TMEM242: variants seen among roughly 807,000 people sequenced by gnomAD.
The protein encoded by TMEM242 is UPF0463 transmembrane protein C6orf35.
TMEM242 carries 10 observed loss-of-function variants against 18.2 expected under a neutral mutation model. That is an observed-to-expected ratio of 0.55 (90% CI 0.34 to 0.93). TMEM242 has a LOEUF of 0.93. Among genes scored for constraint, TMEM242 ranks in the 40% least tolerant of loss-of-function variants. TMEM242 has a pLI of 0.02. For synonymous variants in TMEM242, 57 were observed against 69.9 expected, an observed-to-expected ratio of 0.81 and a Z score of 0.92; for missense variants, 186 against 175.5, an observed-to-expected ratio of 1.06 and a Z score of -0.34.
intron 3 of TMEM242, among the ~76,000 whole-genome samples, chr6:157,312,941 T>A (rs200494914): frequency 1.3e-5 from 2 of 152,198 alleles, no homozygotes; most frequent in East Asian, 1.9e-4. Context: ...TGCCCCAGTG[T>A]GCGCTCACCC....
intron 3 of TMEM242, among the ~76,000 whole-genome samples, chr6:157,297,889 C>T (rs1331537518): frequency 6.6e-6 from 1 of 152,166 alleles, no homozygotes; most frequent in Non-Finnish European, 1.5e-5. Context: ...GCTACTAATC[C>T]TATTATTTAG....
intron 3 of TMEM242, 127 bp downstream of exon 3, chr6:157,318,655 T>A (rs1432676397): frequency 9.6e-7 from 1 of 1,039,296 alleles, no homozygotes; most frequent in Non-Finnish European, 1.4e-6. Flanking sequence ...TTTAGTCACG[T>A]ACTCTGTCAT....
At chr6:157,312,826 T>A (rs1554249442) in intron 3 of TMEM242, among the ~76,000 whole-genome samples, 14 of 149,178 alleles carry the variant, frequency 9.4e-5, no homozygotes, top group Non-Finnish European at 4.5e-5. Context: ...AGCCTCATCA[T>A]AGTGCCACAG....
At chr6:157,311,673 T>A (rs1583566540) in intron 3 of TMEM242, among the ~76,000 whole-genome samples, 1 of 125,804 alleles carries the variant, frequency 7.9e-6, no homozygotes, top group Non-Finnish European at 1.6e-5. Flanking sequence ...CCCGGCCTCA[T>A]CATAGTGTCC....
chr6:157,313,891 G>T (rs201591627), intron 3 of TMEM242, among the ~76,000 whole-genome samples: 1 of 146,960 alleles, frequency 6.8e-6, no homozygotes, highest in African/African-American at 2.5e-5. Flanking sequence ...GTGCCCCAGT[G>T]TGCGCTCACC....
intron 3 of TMEM242, among the ~76,000 whole-genome samples, chr6:157,310,929 G>C (rs1554248506): frequency 6.7e-6 from 1 of 148,636 alleles, no homozygotes; most frequent in Non-Finnish European, 1.5e-5. Flanking sequence ...CACTCACCTA[G>C]CCTCATCATA....
rs1443540293 is a variant in TMEM242, at chr6:157,311,173, C to T, written c.327+7609G>A. 1.3e-4 allele frequency among the ~76,000 whole-genome samples: 7 copies of T among 53,830 alleles called. No homozygotes were observed. The East Asian group carries it at 2.5e-3, about 19-fold the overall frequency. 35.3% of individuals were successfully genotyped at this position (53,830 alleles called of 152,430 possible). A position where few individuals can be genotyped will look rare whatever the true frequency, so the allele number is the denominator to read the frequency against. ...ACTCACCTAGCCCCATCATAGTGTC[C>T]GAATGTGCGCTCACCCAGCCTGATC... On this transcript the variant is annotated intron_variant, in intron 3 of 3. Transcript: ENST00000400788.
intron 3 of TMEM242, among the ~76,000 whole-genome samples, chr6:157,298,587 G>A (rs962779296): frequency 6.6e-6 from 1 of 152,132 alleles, no homozygotes; most frequent in African/African-American, 2.4e-5. Flanking sequence ...AGGAAATGAA[G>A]GCGGTTTCAA....
At chr6:157,309,363 C>G (rs587759965) in intron 3 of TMEM242, among the ~76,000 whole-genome samples, 1 of 151,566 alleles carries the variant, frequency 6.6e-6, no homozygotes, top group East Asian at 1.9e-4. Flanking sequence ...TAAAAAGGTC[C>G]TCAATATATA....
intron 3 of TMEM242, among the ~76,000 whole-genome samples, chr6:157,313,011 C>T (rs1554249565): frequency 1.3e-5 from 2 of 152,176 alleles, no homozygotes; most frequent in Non-Finnish European, 2.9e-5. Context: ...TCCCAGTGTC[C>T]GCTCACCTAG....
intron 2 of TMEM242, 67 bp downstream of exon 2, chr6:157,322,638 T>C: frequency 7.4e-7 from 1 of 1,358,160 alleles, no homozygotes; most frequent in Non-Finnish European, 1.0e-6. Flanking sequence ...TTTTATTTTT[T>C]CTACGCAAAA....
At chr6:157,304,094 A>G (rs782244947) in intron 3 of TMEM242, among the ~76,000 whole-genome samples, 8 of 152,214 alleles carry the variant, frequency 5.3e-5, no homozygotes, top group Non-Finnish European at 1.2e-4. Flanking sequence ...TTTCTGATGC[A>G]ATATAAAAGA....
At chr6:157,298,459 A>T (rs1554247295) in intron 3 of TMEM242, among the ~76,000 whole-genome samples, 2 of 152,276 alleles carry the variant, frequency 1.3e-5, no homozygotes, top group South Asian at 2.1e-4. Flanking sequence ...TAACCAAATG[A>T]TCCTGCTTCA....
At chr6:157,299,224 A>G in intron 3 of TMEM242, 1 of 708,632 alleles carries the variant, frequency 1.4e-6, no homozygotes, top group Non-Finnish European at 2.7e-6. Context: ...AGATTCTTCA[A>G]AATACTTTCT....
chr6:157,313,210 G>C (rs1453694071), intron 3 of TMEM242, among the ~76,000 whole-genome samples: 1 of 139,360 alleles, frequency 7.2e-6, no homozygotes, highest in African/African-American at 2.7e-5. Context: ...TAGTGCCTCA[G>C]TGTGCCCTCA....
intron 3 of TMEM242, chr6:157,318,400 T>G: frequency 4.6e-6 from 1 of 218,476 alleles, no homozygotes; most frequent in Non-Finnish European, 8.9e-6. Flanking sequence ...CAGCTAATTT[T>G]TTTATAGAGA....
chr6:157,312,295 C>G (rs1554249201), intron 3 of TMEM242, among the ~76,000 whole-genome samples: 3 of 151,558 alleles, frequency 2.0e-5, no homozygotes, highest in Non-Finnish European at 4.4e-5. Flanking sequence ...ACATAGTGCC[C>G]CAGTGTGCGT....
At chr6:157,312,921 A>T (rs62425594) in intron 3 of TMEM242, among the ~76,000 whole-genome samples, 1 of 11,418 alleles carries the variant, frequency 8.8e-5, no homozygotes, top group African/African-American at 4.2e-4. Flanking sequence ...CTCACCCGGC[A>T]TCATCATAGT....
chr6:157,310,855 C>A (rs1554248481), intron 3 of TMEM242, among the ~76,000 whole-genome samples: 4,776 of 115,744 alleles, frequency 0.041, no homozygotes, highest in East Asian at 0.11. Flanking sequence ...AGTGTGCACT[C>A]ACCTAGCCTC....
Sources: allele counts gnomAD v4.1 joint callset (sites outside exome capture counted in the v4.1 genomes callset), GRCh38; gene constraint gnomAD v4.1.1; transcripts MANE v1.5; gene names NCBI Gene and HGNC (gene_info 2026-07-23, HGNC 2026-07-21).